The following MPP7 variants were observed in gnomAD, a reference collection of about 807,000 sequenced individuals.
MPP7 encodes MAGUK p55 subfamily member 7.
In MPP7, 60 loss-of-function variants were observed where a neutral mutation model predicts 76.5. The ratio of observed to expected loss-of-function variants is 0.78; its 90% CI spans 0.64 to 0.97. MPP7 has a LOEUF of 0.97. MPP7 is among the 50% of genes least tolerant of loss of function. MPP7 has a pLI of 0.00. For synonymous variants in MPP7, 237 were observed against 244.5 expected, an observed-to-expected ratio of 0.97 and a Z score of 0.29; for missense variants, 641 against 694.0, an observed-to-expected ratio of 0.92 and a Z score of 0.86.
intron 2 of MPP7, among the ~76,000 whole-genome samples, chr10:28,221,989 C>T (rs1417852310): frequency 6.6e-6 from 1 of 152,120 alleles, no homozygotes; most frequent in Non-Finnish European, 1.5e-5. Context: ...TGCTTACTAT[C>T]CATCCCTAAA....
chr10:28,118,937 G>A (rs1834741902), intron 11 of MPP7: 1 of 985,168 alleles, frequency 1.0e-6, no homozygotes, highest in African/African-American at 1.7e-5. Flanking sequence ...ACAAAGGGTT[G>A]GTTTTTTCCT....
At chr10:28,236,624 T>C (rs568571528) in intron 2 of MPP7, 5 of 151,870 alleles carry the variant, frequency 3.3e-5, no homozygotes, top group African/African-American at 7.2e-5. Context: ...CTTGTATAAT[T>C]AGTTTTTTTT....
intron 3 of MPP7, 134 bp from the exon 4 acceptor site, chr10:28,150,193 A>C: frequency 1.6e-6 from 1 of 634,086 alleles, no homozygotes; most frequent in Non-Finnish European, 2.8e-6. Flanking sequence ...TATTACACAC[A>C]TGTAATATGT....
At chr10:28,288,866 T>A (rs576598541) in intron 1 of MPP7, among the ~76,000 whole-genome samples, 55 of 152,252 alleles carry the variant, frequency 3.6e-4, no homozygotes, top group African/African-American at 1.3e-3. Flanking sequence ...GCCACAGCCA[T>A]CCTGAGAAAG....
chr10:28,247,476 TAAAC>T (rs984873402), intron 1 of MPP7, among the ~76,000 whole-genome samples: 19 of 152,354 alleles, frequency 1.2e-4, no homozygotes, highest in East Asian at 3.9e-4. Flanking sequence ...GAAGCTATCT[TAAAC>T]AGACAGTGAT....
intron 2 of MPP7, among the ~76,000 whole-genome samples, chr10:28,317,270 G>A (rs1403136000): frequency 1.3e-5 from 2 of 152,178 alleles, no homozygotes; most frequent in East Asian, 1.9e-4. Context: ...GCTCACACCT[G>A]TAATCCCAGC....
intron 2 of MPP7, among the ~76,000 whole-genome samples, chr10:28,230,580 G>A (rs1466429047): frequency 4.6e-5 from 7 of 152,104 alleles, no homozygotes; most frequent in South Asian, 2.1e-4. Flanking sequence ...TTGGGAAGCC[G>A]AGGCAGGCAG....
intron 2 of MPP7, among the ~76,000 whole-genome samples, chr10:28,328,801 A>G (rs537129996): frequency 1.3e-5 from 2 of 152,320 alleles, no homozygotes; most frequent in South Asian, 2.1e-4. Flanking sequence ...TCGAAATACC[A>G]TGTGACACTG....
intron 8 of MPP7, among the ~76,000 whole-genome samples, chr10:28,123,017 G>A (rs1223692159): frequency 2.0e-5 from 3 of 151,804 alleles, no homozygotes; most frequent in African/African-American, 7.3e-5. Flanking sequence ...TATGTATTGT[G>A]TAAAACAAGG....
At chr10:28,288,513 T>C (rs1840838078) in intron 1 of MPP7, among the ~76,000 whole-genome samples, 1 of 152,160 alleles carries the variant, frequency 6.6e-6, no homozygotes, top group Admixed American at 6.5e-5. Flanking sequence ...AGTGCTGGGA[T>C]TGCAGGAATG....
intron 2 of MPP7, among the ~76,000 whole-genome samples, chr10:28,236,104 C>T (rs1448018335): frequency 3.9e-5 from 6 of 152,078 alleles, no homozygotes; most frequent in Non-Finnish European, 8.8e-5. Flanking sequence ...TTTAATATTG[C>T]CAAGAATGTA....
intron 2 of MPP7, among the ~76,000 whole-genome samples, chr10:28,206,581 G>T (rs1042332237): frequency 3.3e-5 from 5 of 151,766 alleles, no homozygotes; most frequent in African/African-American, 1.2e-4. Context: ...TTAGGTTTGG[G>T]CCCCACTTGC....
chr10:28,205,652 A>C (rs1341247312), intron 2 of MPP7, among the ~76,000 whole-genome samples: 1 of 152,182 alleles, frequency 6.6e-6, no homozygotes, highest in Non-Finnish European at 1.5e-5. Flanking sequence ...TGCAGCAGAC[A>C]AGCACAGACA....
intron 3 of MPP7, among the ~76,000 whole-genome samples, chr10:28,184,308 A>G (rs894023486): frequency 6.7e-6 from 1 of 148,286 alleles, no homozygotes; most frequent in African/African-American, 2.4e-5. Flanking sequence ...AAATATATTT[A>G]TACATTAAAA....
chr10:28,146,949 G>A (rs918316396), intron 5 of MPP7, among the ~76,000 whole-genome samples: 5 of 152,096 alleles, frequency 3.3e-5, no homozygotes, highest in Non-Finnish European at 5.9e-5. Context: ...AGGAGGCAAT[G>A]GAAAGGGAGA....
At chr10:28,301,422 C>T (rs1285166218) in intron 1 of MPP7, among the ~76,000 whole-genome samples, 2 of 152,118 alleles carry the variant, frequency 1.3e-5, no homozygotes, top group African/African-American at 4.8e-5. Context: ...TGGAAAATTA[C>T]CTTTCACCTG....
chr10:28,091,341 G>A (rs900857344), intron 11 of MPP7, among the ~76,000 whole-genome samples: 13 of 148,842 alleles, frequency 8.7e-5, no homozygotes, highest in Non-Finnish European at 1.6e-4. Context: ...AGGCTAGAGT[G>A]CAATGGCATG....
intron 3 of MPP7, among the ~76,000 whole-genome samples, chr10:28,154,289 C>CA (rs977766768): frequency 9.2e-5 from 14 of 152,186 alleles, no homozygotes; most frequent in African/African-American, 3.4e-4. Flanking sequence ...CACTCACTAA[C>CA]AAAGTAGCCC....
At chr10:28,247,465 T>G (rs1483843361) in intron 1 of MPP7, among the ~76,000 whole-genome samples, 1 of 152,244 alleles carries the variant, frequency 6.6e-6, no homozygotes, top group Non-Finnish European at 1.5e-5. Flanking sequence ...ATGTATGTTT[T>G]GAAGCTATCT....
Sources: gnomAD v4.1 joint callset for allele counts (sites outside exome capture counted in the v4.1 genomes callset) on GRCh38, gnomAD v4.1.1 for gene constraint, MANE v1.5 for transcripts, NCBI Gene and HGNC (gene_info 2026-07-23, HGNC 2026-07-21) for gene names.